Variants in TMEM178A observed in about 807,000 individuals in gnomAD.
TMEM178A encodes transmembrane protein 178A, also known as transmembrane protein 178.
A neutral mutation model predicts 29.1 loss-of-function variants in TMEM178A; 12 were observed. That is an observed-to-expected ratio of 0.41 (90% CI 0.26 to 0.67). The LOEUF is 0.67. Ranked by LOEUF, TMEM178A falls within the 30% of genes least tolerant of loss-of-function variation. The probability of loss-of-function intolerance (pLI) is 0.29; values close to 1 mark genes in which losing one functional copy is unlikely to be tolerated. For missense variants in TMEM178A, 366 were observed against 419.1 expected (o/e 0.87, Z 1.11); for synonymous variants, 210 against 187.2 (o/e 1.12, Z -0.99).
At chr2:39,707,007 C>T in intron 2 of TMEM178A, 42 bp from the exon 3 acceptor site, 1 of 1,564,716 alleles carries the variant, frequency 6.4e-7, no homozygotes, top group South Asian at 1.2e-5. Context: ...AATGACTTTC[C>T]TGAATTCTGA....
intron 1 of TMEM178A, among the ~76,000 whole-genome samples, chr2:39,695,990 A>T (rs1246870599): frequency 1.3e-5 from 2 of 152,212 alleles, no homozygotes; most frequent in African/African-American, 2.4e-5. Flanking sequence ...GCTTACAGTA[A>T]TCAATTTAAA....
At chr2:39,678,480 C>A (rs569811841) in intron 1 of TMEM178A, among the ~76,000 whole-genome samples, 1 of 152,014 alleles carries the variant, frequency 6.6e-6, no homozygotes, top group East Asian at 1.9e-4. Context: ...AGTCAGACAC[C>A]AAAGGCCATA....
At chr2:39,684,834 C>A (rs1671005909) in intron 1 of TMEM178A, among the ~76,000 whole-genome samples, 1 of 152,128 alleles carries the variant, frequency 6.6e-6, no homozygotes, top group Non-Finnish European at 1.5e-5. Context: ...GTCCCCTACA[C>A]CTTCGCTTTT....
At chr2:39,726,583 C>G in the TMEM178A span, among the ~76,000 whole-genome samples, 1 of 152,134 alleles carries the variant, frequency 6.6e-6, no homozygotes, top group Admixed American at 6.5e-5. Context: ...GAAAAACAGG[C>G]AAAATACCTT....
At chr2:39,723,735 C>A in the TMEM178A span, among the ~76,000 whole-genome samples, 1 of 152,152 alleles carries the variant, frequency 6.6e-6, no homozygotes, top group Admixed American at 6.5e-5. Context: ...GGTTGAGTAA[C>A]CTTCCCTAAG....
chr2:39,698,790 A>G (rs1572679213), intron 1 of TMEM178A, among the ~76,000 whole-genome samples: 1 of 151,748 alleles, frequency 6.6e-6, no homozygotes, highest in African/African-American at 2.4e-5. Flanking sequence ...CTGGTCATGG[A>G]ATTTTCTTTG....
intron 1 of TMEM178A, among the ~76,000 whole-genome samples, chr2:39,700,404 C>G (rs923859123): frequency 7.2e-5 from 11 of 151,976 alleles, no homozygotes; most frequent in African/African-American, 2.7e-4. Flanking sequence ...ATGGATAGAC[C>G]CATTTATCAT....
intron 1 of TMEM178A, among the ~76,000 whole-genome samples, chr2:39,683,344 A>T (rs952157049): frequency 6.6e-6 from 1 of 152,126 alleles, no homozygotes; most frequent in Non-Finnish European, 1.5e-5. Context: ...TAAAAATACC[A>T]CTGGGTTTCT....
intron 1 of TMEM178A, among the ~76,000 whole-genome samples, chr2:39,695,756 G>A (rs769634227): frequency 3.3e-5 from 5 of 152,100 alleles, no homozygotes; most frequent in Non-Finnish European, 5.9e-5. Context: ...TATGTTCCTG[G>A]ACAGAGCCAG....
chr2:39,711,932 A>G (rs542893079), intron 3 of TMEM178A, among the ~76,000 whole-genome samples: 12 of 152,298 alleles, frequency 7.9e-5, no homozygotes, highest in Non-Finnish European at 1.3e-4. Context: ...AATGGGATCA[A>G]TAAGTACTAG....
chr2:39,710,053 C>A (rs1672238185), intron 3 of TMEM178A, among the ~76,000 whole-genome samples: 1 of 152,194 alleles, frequency 6.6e-6, no homozygotes, highest in Admixed American at 6.5e-5. Context: ...CTCCACCTCT[C>A]CCTGTTCTCA....
At chr2:39,718,709 C>T (rs955934157), downstream of TMEM178A, among the ~76,000 whole-genome samples, 1 of 151,996 alleles carries the variant, frequency 6.6e-6, no homozygotes, top group African/African-American at 2.4e-5. Flanking sequence ...TCCTTTTTCT[C>T]TGTGTGGGTT....
At position 39,704,128 on chromosome 2, in the gene TMEM178A, A is replaced by G. The variant is rs1055802014; in HGVS notation, c.448A>G (p.Ile150Val). Residue 150 changes from isoleucine (I) to valine (V), a missense_variant, in exon 2 of 4, where the codon ATC (isoleucine) becomes GTC (valine). Transcript: ENST00000281961. Reference protein sequence around the residue: ...TAIKYHFSQPIRLRNIPFNLT... With the variant: ...TAIKYHFSQPVRLRNIPFNLT... ...CATCAAGTACCACTTTTCTCAGCCC[A>G]TCCGCTTGCGAAACATTCCTTTTAA... 4 of 1,614,172 alleles carry G rather than the reference A, an allele frequency of 2.5e-6. No homozygotes were observed. Among genetic ancestry groups the G allele is most frequent in the Non-Finnish European group, 3.4e-6 (4 of 1,180,018 alleles).
chr2:39,734,836 C>T, the TMEM178A span, among the ~76,000 whole-genome samples: 1 of 152,136 alleles, frequency 6.6e-6, no homozygotes, highest in Non-Finnish European at 1.5e-5. Context: ...TCATTCCTGT[C>T]TCCTCTCCAT....
chr2:39,714,004 T>C (rs896399312), intron 3 of TMEM178A, among the ~76,000 whole-genome samples: 10 of 152,220 alleles, frequency 6.6e-5, no homozygotes, highest in Admixed American at 6.5e-4. Flanking sequence ...TTCCTTGTAA[T>C]CATCACACAT....
chr2:39,725,268 A>G, the TMEM178A span, among the ~76,000 whole-genome samples: 1 of 152,186 alleles, frequency 6.6e-6, no homozygotes, highest in Non-Finnish European at 1.5e-5. Flanking sequence ...CCAGATGAGT[A>G]AGAATACAAT....
rs187380461 is a variant in TMEM178A at position 39,696,912 on chromosome 2, C to T, written c.401-7169C>T. On this transcript the variant is annotated intron_variant, in intron 1 of 3. Coordinates refer to ENST00000281961, the MANE Select transcript of TMEM178A (RefSeq NM_152390.3). ...CACTAAATATAAACCACAACTTGTTCTTTTCAATCCTCTGCATGTTTCTTC... is the reference window on the plus strand; with the variant it reads ...CACTAAATATAAACCACAACTTGTTTTTTTCAATCCTCTGCATGTTTCTTC... Among the ~76,000 whole-genome samples the T allele has an allele frequency of 7.3e-3, 1,118 of 152,280 alleles. 10 individuals are homozygous for T. Among genetic ancestry groups the T allele is most frequent in the African/African-American group, 0.025 (1,038 of 41,540 alleles).
At chr2:39,676,845 C>A (rs1199637833) in intron 1 of TMEM178A, among the ~76,000 whole-genome samples, 1 of 152,096 alleles carries the variant, frequency 6.6e-6, no homozygotes, top group African/African-American at 2.4e-5. Context: ...TTTTCCAGAT[C>A]TACCACTTTC....
chr2:39,680,823 C>G (rs1670837185), intron 1 of TMEM178A, among the ~76,000 whole-genome samples: 1 of 152,026 alleles, frequency 6.6e-6, no homozygotes, highest in African/African-American at 2.4e-5. Context: ...GTATTTAATA[C>G]TCATAATTCA....
Sources: gnomAD v4.1 joint callset for allele counts (sites outside exome capture counted in the v4.1 genomes callset) on GRCh38, gnomAD v4.1.1 for gene constraint, MANE v1.5 for transcripts, NCBI Gene and HGNC (gene_info 2026-07-23, HGNC 2026-07-21) for gene names.